TM9SF3: variants seen among roughly 807,000 people sequenced by gnomAD.
TM9SF3 encodes the protein transmembrane 9 superfamily member 3, also known as SM-11044-binding protein.
In TM9SF3, 14 loss-of-function variants were observed where a neutral mutation model predicts 78.6. The observed-to-expected ratio is 0.18, with a 90% confidence interval of 0.12 to 0.28. The LOEUF (loss-of-function observed/expected upper bound fraction) is 0.28. TM9SF3 is among the 10% of genes least tolerant of loss of function. The pLI, the probability that TM9SF3 is intolerant of heterozygous loss-of-function variation, is 1.00. For missense variants in TM9SF3, 496 were observed against 721.9 expected (o/e 0.69, Z 3.59); for synonymous variants, 231 against 241.7 (o/e 0.96, Z 0.41).
chr10:96,518,851 GTT>G lies in TM9SF3; in HGVS notation c.*3410_*3411del, dbSNP rs1172529305. 1.2e-5 allele frequency: 1 copy of G among 85,278 alleles called. No individual in the cohort carries two copies. The highest frequency in any genetic ancestry group is 2.6e-5 in the Non-Finnish European group (1 of 38,402). 5.3% of individuals were successfully genotyped at this position (85,278 alleles called of 1,614,324 possible). A position where few individuals can be genotyped will look rare whatever the true frequency, so the allele number is the denominator to read the frequency against. On this transcript the variant is annotated 3_prime_UTR_variant, in exon 15 of 15. Transcript: ENST00000371142. ...CTGAAATATAACACCTTGATTGATA[GTT>G]TCATAACTATAGAATTTTAGTGAAG...
chr10:96,523,333 A>C (rs1338797858), intron 14 of TM9SF3, among the ~76,000 whole-genome samples: 3 of 151,818 alleles, frequency 2.0e-5, no homozygotes, highest in Non-Finnish European at 4.4e-5. Context: ...TCCTTGAACG[A>C]ATCTTTTAGT....
At chr10:96,586,304 G>A (rs928537365) in intron 1 of TM9SF3, among the ~76,000 whole-genome samples, 16 of 152,306 alleles carry the variant, frequency 1.1e-4, no homozygotes, top group African/African-American at 3.1e-4. Flanking sequence ...GGGTAATCAC[G>A]ATGCATCCAT....
intron 4 of TM9SF3, chr10:96,560,321 C>A: frequency 5.4e-6 from 4 of 746,636 alleles, no homozygotes; most frequent in Middle Eastern, 7.6e-4. Flanking sequence ...TCTTTAAGAA[C>A]GGTCAGTTTA....
chr10:96,556,433 T>C (rs928010363), intron 5 of TM9SF3, among the ~76,000 whole-genome samples: 12 of 152,210 alleles, frequency 7.9e-5, no homozygotes, highest in African/African-American at 2.9e-4. Flanking sequence ...ACCAAGGTCA[T>C]AGTAAGCGGC....
intron 3 of TM9SF3, 139 bp downstream of exon 3, chr10:96,565,165 G>T (rs145735737): frequency 0.013 from 10,108 of 787,326 alleles, 142 homozygotes; most frequent in Non-Finnish European, 0.013. Context: ...CCATAAAACT[G>T]GTATTAAAAT....
At chr10:96,559,812 A>C (rs1165684166) in intron 4 of TM9SF3, 76 bp from the exon 5 acceptor site, 4 of 807,294 alleles carry the variant, frequency 5.0e-6, no homozygotes, top group Non-Finnish European at 5.8e-6. Context: ...TCTGAGCAAA[A>C]TATAGATTTA....
chr10:96,566,767 A>G (rs973314422), intron 2 of TM9SF3, among the ~76,000 whole-genome samples: 1 of 152,220 alleles, frequency 6.6e-6, no homozygotes, highest in Non-Finnish European at 1.5e-5. Context: ...GATTGCTCCA[A>G]AGGGTTTCTA....
At chr10:96,578,089 G>A (rs1197112705) in intron 1 of TM9SF3, among the ~76,000 whole-genome samples, 3 of 152,054 alleles carry the variant, frequency 2.0e-5, no homozygotes, top group African/African-American at 7.2e-5. Flanking sequence ...ACATTAACTT[G>A]TATGTTCTTA....
intron 5 of TM9SF3, among the ~76,000 whole-genome samples, chr10:96,556,710 C>T (rs1243381173): frequency 6.6e-6 from 1 of 152,096 alleles, no homozygotes; most frequent in Non-Finnish European, 1.5e-5. Flanking sequence ...GGCTACTGCA[C>T]CATTTCTTTG....
chr10:96,525,260 A>C (rs1847824757), intron 14 of TM9SF3, among the ~76,000 whole-genome samples: 1 of 152,148 alleles, frequency 6.6e-6, no homozygotes, highest in Non-Finnish European at 1.5e-5. Flanking sequence ...AAGAATAGGG[A>C]TGTTTCCACC....
At chr10:96,579,908 TCAC>T (rs1362055115) in intron 1 of TM9SF3, among the ~76,000 whole-genome samples, 1 of 152,168 alleles carries the variant, frequency 6.6e-6, no homozygotes, top group African/African-American at 2.4e-5. Flanking sequence ...CCAAAAGACT[TCAC>T]ACAACTTCTG....
At chr10:96,552,854 AC>A in intron 6 of TM9SF3, 73 bp downstream of exon 6, 1 of 1,323,778 alleles carries the variant, frequency 7.6e-7, no homozygotes, top group Non-Finnish European at 9.8e-7. Flanking sequence ...AGAAATTATG[AC>A]CTACCTCCCA....
At chr10:96,553,265 T>C (rs1848195341) in intron 5 of TM9SF3, among the ~76,000 whole-genome samples, 1 of 152,226 alleles carries the variant, frequency 6.6e-6, no homozygotes, top group Admixed American at 6.5e-5. Flanking sequence ...AGCACCCATA[T>C]GTTGAAAACA....
chr10:96,542,540 C>T (rs1436890712), intron 9 of TM9SF3, among the ~76,000 whole-genome samples: 3 of 152,110 alleles, frequency 2.0e-5, no homozygotes, highest in Non-Finnish European at 4.4e-5. Flanking sequence ...GACAAAGCAA[C>T]TTTGAAATAC....
chr10:96,578,705 T>C (rs550326031), intron 1 of TM9SF3, among the ~76,000 whole-genome samples: 3 of 152,348 alleles, frequency 2.0e-5, no homozygotes, highest in South Asian at 4.1e-4. Flanking sequence ...CTGCTGAACA[T>C]AGATATTGCC....
intron 9 of TM9SF3, among the ~76,000 whole-genome samples, chr10:96,535,158 C>T (rs1053822510): frequency 2.6e-5 from 4 of 152,192 alleles, no homozygotes; most frequent in Non-Finnish European, 5.9e-5. Flanking sequence ...AATTGCTTAG[C>T]ATTTGTCAAT....
At chr10:96,545,329 A>G (rs1236535987) in intron 8 of TM9SF3, among the ~76,000 whole-genome samples, 2 of 152,218 alleles carry the variant, frequency 1.3e-5, no homozygotes, top group African/African-American at 4.8e-5. Flanking sequence ...TCTGCTATAT[A>G]AAGTTCTTTT....
At chr10:96,560,182 C>G (rs745678468) in intron 4 of TM9SF3, 5 of 975,990 alleles carry the variant, frequency 5.1e-6, no homozygotes, top group Non-Finnish European at 8.1e-6. Flanking sequence ...GTGCTGCCAC[C>G]CCATGGAAGA....
chr10:96,551,022 C>T (rs950735126), intron 7 of TM9SF3, among the ~76,000 whole-genome samples: 5 of 152,128 alleles, frequency 3.3e-5, no homozygotes, highest in African/African-American at 1.2e-4. Flanking sequence ...ACCTTTATAA[C>T]TAACCACAAT....
Sources: allele counts gnomAD v4.1 joint callset (sites outside exome capture counted in the v4.1 genomes callset), GRCh38; gene constraint gnomAD v4.1.1; transcripts MANE v1.5; gene names NCBI Gene and HGNC (gene_info 2026-07-23, HGNC 2026-07-21).